Variants in IMMP2L observed in about 807,000 individuals in gnomAD.
IMMP2L encodes mitochondrial inner membrane protease subunit 2.
IMMP2L carries 18 observed loss-of-function variants against 19.3 expected under a neutral mutation model. The observed-to-expected ratio is 0.93, with a 90% CI of 0.64 to 1.38. IMMP2L has a LOEUF of 1.38. Ranked by LOEUF, IMMP2L falls within the 40% of genes most tolerant of loss-of-function variation. The pLI, the probability that IMMP2L is intolerant of heterozygous loss-of-function variation, is 0.00. For synonymous variants in IMMP2L, 76 were observed against 73.0 expected (o/e 1.04, Z -0.21); for missense variants, 233 against 218.2 (o/e 1.07, Z -0.43).
intron 3 of IMMP2L, among the ~76,000 whole-genome samples, chr7:111,042,138 G>A (rs1563186649): frequency 6.6e-6 from 1 of 152,050 alleles, no homozygotes. Context: ...TTGTAAAGTT[G>A]CATGTCCTGA....
At chr7:111,184,122 T>C (rs2129611614) in intron 3 of IMMP2L, among the ~76,000 whole-genome samples, 1 of 152,128 alleles carries the variant, frequency 6.6e-6, no homozygotes, top group Non-Finnish European at 1.5e-5. Flanking sequence ...TTTCATACTA[T>C]GGTTTACTAC....
intron 1 of IMMP2L, among the ~76,000 whole-genome samples, chr7:111,543,360 C>T (rs188775921): frequency 3.0e-4 from 46 of 152,238 alleles, no homozygotes; most frequent in Middle Eastern, 3.4e-3. Context: ...ACCTCCTGTA[C>T]CTGGTAGGGA....
At chr7:111,369,801 C>T (rs999540028) in intron 3 of IMMP2L, among the ~76,000 whole-genome samples, 2 of 151,870 alleles carry the variant, frequency 1.3e-5, no homozygotes, top group Non-Finnish European at 2.9e-5. Context: ...CTTAGATATA[C>T]TATTTGTTAC....
intron 5 of IMMP2L, among the ~76,000 whole-genome samples, chr7:110,837,301 AAG>A (rs1804589261): frequency 6.6e-6 from 1 of 152,048 alleles, no homozygotes; most frequent in African/African-American, 2.4e-5. Flanking sequence ...GGGAGGGAGA[AAG>A]AGTAAAGAAG....
intron 3 of IMMP2L, among the ~76,000 whole-genome samples, chr7:111,168,497 C>A (rs1251063511): frequency 6.6e-6 from 1 of 151,858 alleles, no homozygotes; most frequent in Non-Finnish European, 1.5e-5. Flanking sequence ...AGAAAGGTGT[C>A]TTGCTGCTAA....
chr7:110,685,608 G>A (rs1793056334), intron 5 of IMMP2L, among the ~76,000 whole-genome samples: 2 of 152,118 alleles, frequency 1.3e-5, no homozygotes, highest in Admixed American at 6.6e-5. Flanking sequence ...ACTAGTTTAT[G>A]ATGGTTTATT....
intron 1 of IMMP2L, among the ~76,000 whole-genome samples, chr7:111,538,677 G>A (rs1273971612): frequency 6.6e-6 from 1 of 150,636 alleles, no homozygotes; most frequent in East Asian, 2.0e-4. Context: ...AGTCATGGTG[G>A]CACATGCCTG....
chr7:111,548,723 G>A (rs1439173332), intron 1 of IMMP2L, among the ~76,000 whole-genome samples: 4 of 151,942 alleles, frequency 2.6e-5, no homozygotes, highest in Non-Finnish European at 5.9e-5. Flanking sequence ...CATTTTGATT[G>A]AAACTAGAAT....
At chr7:110,811,691 T>C (rs1260778259) in intron 5 of IMMP2L, among the ~76,000 whole-genome samples, 1 of 152,066 alleles carries the variant, frequency 6.6e-6, no homozygotes, top group Non-Finnish European at 1.5e-5. Context: ...GCAAACATTG[T>C]AAACAAATGA....
chr7:110,948,536 G>A (rs2129553851), intron 4 of IMMP2L, among the ~76,000 whole-genome samples: 1 of 152,282 alleles, frequency 6.6e-6, no homozygotes, highest in South Asian at 2.1e-4. Context: ...ACATGGAATA[G>A]TATTCTGATA....
At chr7:111,373,316 T>C (rs575929410) in intron 3 of IMMP2L, among the ~76,000 whole-genome samples, 103 of 152,114 alleles carry the variant, frequency 6.8e-4, no homozygotes, top group Middle Eastern at 3.4e-3. Flanking sequence ...GGAATAAAGG[T>C]TGGTATCATC....
At chr7:111,007,588 C>T (rs986371448) in intron 3 of IMMP2L, among the ~76,000 whole-genome samples, 2 of 152,050 alleles carry the variant, frequency 1.3e-5, no homozygotes, top group African/African-American at 4.8e-5. Context: ...CACTTTTTTT[C>T]ATGTACACTC....
In IMMP2L at chr7:110,850,609, A is replaced by T. The variant is rs1481965348; in HGVS notation, c.408+35984T>A. ...ACCACTGGCTCGCCCTCATGCCAAGAACCCTCCTGGGCTAAGCCCCAATTT... is the reference window on the plus strand; with the variant it reads ...ACCACTGGCTCGCCCTCATGCCAAGTACCCTCCTGGGCTAAGCCCCAATTT... On this transcript the variant is annotated intron_variant, in intron 5 of 5. Transcript: ENST00000405709. Among the ~76,000 whole-genome samples, 5 of 152,046 alleles carry T rather than the reference A, an allele frequency of 3.3e-5. No homozygotes were observed. In the East Asian group the frequency reaches 9.6e-4, roughly 29 times the overall value.
At chr7:111,495,369 T>A (rs928971599) in intron 2 of IMMP2L, among the ~76,000 whole-genome samples, 4 of 152,168 alleles carry the variant, frequency 2.6e-5, no homozygotes, top group African/African-American at 9.7e-5. Flanking sequence ...ACAATATAAG[T>A]CAGCATATTT....
chr7:111,390,770 T>G (rs1832271281), intron 3 of IMMP2L: 1 of 152,152 alleles, frequency 6.6e-6, no homozygotes, highest in Admixed American at 6.5e-5. Flanking sequence ...ATTTCCGACT[T>G]AGCAACAGAA....
intron 5 of IMMP2L, among the ~76,000 whole-genome samples, chr7:110,779,606 G>A (rs73417236): frequency 0.038 from 5,786 of 151,876 alleles, 327 homozygotes; most frequent in African/African-American, 0.12. Context: ...ACAGATTTGT[G>A]GTATTTCTAG....
intron 3 of IMMP2L, among the ~76,000 whole-genome samples, chr7:111,151,658 G>A (rs1302897901): frequency 1.3e-5 from 2 of 152,106 alleles, no homozygotes; most frequent in Non-Finnish European, 2.9e-5. Flanking sequence ...TGAACACAGG[G>A]CCAGATGCGG....
At chr7:111,130,259 A>T (rs970243779) in intron 3 of IMMP2L, among the ~76,000 whole-genome samples, 5 of 152,176 alleles carry the variant, frequency 3.3e-5, no homozygotes. Flanking sequence ...ATAAGTGATA[A>T]ATTCAAAGCT....
intron 3 of IMMP2L, among the ~76,000 whole-genome samples, chr7:111,267,744 G>C (rs1328824589): frequency 1.3e-5 from 2 of 151,902 alleles, no homozygotes; most frequent in Non-Finnish European, 2.9e-5. Flanking sequence ...CTATTCTCCA[G>C]GGGTAATATT....
Sources: gnomAD v4.1 joint callset for allele counts (sites outside exome capture counted in the v4.1 genomes callset) on GRCh38, gnomAD v4.1.1 for gene constraint, MANE v1.5 for transcripts, NCBI Gene and HGNC (gene_info 2026-07-23, HGNC 2026-07-21) for gene names.